ASIC2: variants seen among roughly 807,000 people sequenced by gnomAD.
The protein encoded by ASIC2 is acid sensing ion channel subunit 2, also known as acid-sensing ion channel 2.
In ASIC2, 25 loss-of-function variants were observed where a neutral mutation model predicts 57.3. The observed-to-expected ratio is 0.44, with a 90% confidence interval of 0.32 to 0.61. The LOEUF (loss-of-function observed/expected upper bound fraction) is 0.61. Ranked by LOEUF, ASIC2 falls within the 20% of genes least tolerant of loss-of-function variation. The probability of loss-of-function intolerance (pLI) is 0.06; values close to 1 mark genes in which losing one functional copy is unlikely to be tolerated. For missense variants in ASIC2, 641 were observed against 738.1 expected (o/e 0.87, Z 1.52); for synonymous variants, 319 against 307.5 (o/e 1.04, Z -0.39).
chr17:33,934,578 G>A (rs186390269), intron 1 of ASIC2, among the ~76,000 whole-genome samples: 13 of 152,268 alleles, frequency 8.5e-5, no homozygotes, highest in South Asian at 8.3e-4. Flanking sequence ...GACACACCCC[G>A]TGGGATGCAA....
chr17:33,513,310 C>G (rs1914480550), intron 1 of ASIC2, among the ~76,000 whole-genome samples: 1 of 152,154 alleles, frequency 6.6e-6, no homozygotes, highest in East Asian at 1.9e-4. Context: ...CAATTATTTT[C>G]AGCTTTTCAC....
intron 1 of ASIC2, among the ~76,000 whole-genome samples, chr17:33,128,540 A>G (rs1414674108): frequency 6.6e-6 from 1 of 152,214 alleles, no homozygotes; most frequent in African/African-American, 2.4e-5. Flanking sequence ...GGAAGTTGGC[A>G]GGAGAAGTTG....
At chr17:33,098,528 T>G (rs1307791454) in intron 2 of ASIC2, among the ~76,000 whole-genome samples, 1 of 152,184 alleles carries the variant, frequency 6.6e-6, no homozygotes, top group Non-Finnish European at 1.5e-5. Flanking sequence ...GGGCTGCAAT[T>G]ATGCCTGTTC....
intron 1 of ASIC2, among the ~76,000 whole-genome samples, chr17:33,461,009 A>G (rs981787655): frequency 1.3e-5 from 2 of 152,186 alleles, no homozygotes; most frequent in Non-Finnish European, 2.9e-5. Context: ...CTTTGCCCAG[A>G]TGATAATAGT....
chr17:33,804,887 C>CT (rs112023919), intron 1 of ASIC2, among the ~76,000 whole-genome samples: 93 of 147,162 alleles, frequency 6.3e-4, no homozygotes, highest in Middle Eastern at 3.4e-3. Flanking sequence ...TTTGATCTCT[C>CT]TTTTTTTTTT....
At chr17:33,191,710 A>G (rs1906426036) in intron 1 of ASIC2, among the ~76,000 whole-genome samples, 1 of 152,132 alleles carries the variant, frequency 6.6e-6, no homozygotes, top group Non-Finnish European at 1.5e-5. Flanking sequence ...GATTTCTCCT[A>G]ATGCCCCATG....
chr17:34,130,242 C>CA, intron 1 of ASIC2, among the ~76,000 whole-genome samples: 1 of 133,608 alleles, frequency 7.5e-6, no homozygotes, highest in Non-Finnish European at 1.7e-5. Flanking sequence ...CTTCACCCAG[C>CA]AAAGCTCCTT....
intron 1 of ASIC2, among the ~76,000 whole-genome samples, chr17:33,428,626 G>A (rs940986542): frequency 1.3e-5 from 2 of 152,136 alleles, no homozygotes; most frequent in African/African-American, 4.8e-5. Context: ...GAGGGAAGAA[G>A]AGAGGTCCAG....
intron 1 of ASIC2, among the ~76,000 whole-genome samples, chr17:33,155,304 A>T (rs1233567363): frequency 6.6e-6 from 1 of 152,254 alleles, no homozygotes; most frequent in Admixed American, 6.5e-5. Context: ...GGCTGGCAGC[A>T]AGGGTTCCTG....
intron 1 of ASIC2, chr17:34,006,187 G>A (rs1273831879): frequency 6.6e-6 from 1 of 152,248 alleles, no homozygotes; most frequent in Non-Finnish European, 1.5e-5. Flanking sequence ...CTTCTCTGAG[G>A]CGATGGCATT....
At chr17:33,513,777 C>T (rs1914490701) in intron 1 of ASIC2, among the ~76,000 whole-genome samples, 1 of 152,244 alleles carries the variant, frequency 6.6e-6, no homozygotes. Context: ...TGGCTCCTGT[C>T]CTTGCCCAGG....
intron 1 of ASIC2, among the ~76,000 whole-genome samples, chr17:33,780,310 C>T (rs1387581072): frequency 6.6e-6 from 1 of 152,086 alleles, no homozygotes; most frequent in South Asian, 2.1e-4. Flanking sequence ...TGCTGCCTCC[C>T]CTGGGTGGCA....
Position 33,268,454 on chromosome 17 carries a change from G to C in ASIC2, c.708+22954C>G, listed in dbSNP as rs141114229. On this transcript the variant is annotated intron_variant, in intron 1 of 9. Transcript: ENST00000225823. ...CCATTCCCCAGTCTACTAGAGTATT[G>C]AGGAGCAGTAGGAAATAAGTAAGGA... 2.7e-3 allele frequency among the ~76,000 whole-genome samples: 414 copies of C among 152,098 alleles called. 11 individuals carry two copies. The highest frequency in any genetic ancestry group is 1.0e-3 in the South Asian group (5 of 4,804).
rs557477475 is a variant in ASIC2, at chr17:33,560,038, C to T, written c.556-447971G>A. The stretch of plus-strand genomic sequence containing the variant: ...AATTGAAGCCCATGTTACTGTACTG[C>T]CATTTTTTTTCAATCACCAAAGGCC... On this transcript the variant is annotated intron_variant, in intron 1 of 9. Transcript: ENST00000359872. Among the ~76,000 whole-genome samples, 16 of 152,202 alleles carry T rather than the reference C, an allele frequency of 1.1e-4. No individual in the cohort carries two copies. In the Middle Eastern group the frequency reaches 0.01, roughly 97 times the overall value.
At chr17:33,027,724 A>G (rs1233744909) in intron 4 of ASIC2, among the ~76,000 whole-genome samples, 1 of 152,222 alleles carries the variant, frequency 6.6e-6, no homozygotes, top group Non-Finnish European at 1.5e-5. Context: ...TCCACTCTGC[A>G]CTTCAGCCTC....
chr17:33,305,926 C>G (rs879776717), intron 1 of ASIC2, among the ~76,000 whole-genome samples: 1 of 152,154 alleles, frequency 6.6e-6, no homozygotes, highest in Non-Finnish European at 1.5e-5. Context: ...TCCCTATAGC[C>G]ATTTTTTCTA....
intron 1 of ASIC2, among the ~76,000 whole-genome samples, chr17:33,248,250 G>A (rs1195315553): frequency 1.3e-5 from 2 of 152,150 alleles, no homozygotes; most frequent in South Asian, 2.1e-4. Flanking sequence ...GTAGGTGTAC[G>A]CCTGGCCTGT....
chr17:33,826,220 G>T (rs926847821), intron 1 of ASIC2, among the ~76,000 whole-genome samples: 2 of 152,212 alleles, frequency 1.3e-5, no homozygotes, highest in Non-Finnish European at 2.9e-5. Context: ...AAGAACATTT[G>T]CTCCAGCCTT....
intron 1 of ASIC2, among the ~76,000 whole-genome samples, chr17:33,775,959 A>G (rs1482405293): frequency 2.0e-5 from 3 of 151,960 alleles, no homozygotes; most frequent in Non-Finnish European, 4.4e-5. Flanking sequence ...ATGACGAAAC[A>G]CCGTATCTAC....
Sources: gnomAD v4.1 joint callset for allele counts (sites outside exome capture counted in the v4.1 genomes callset) on GRCh38, gnomAD v4.1.1 for gene constraint, MANE v1.5 for transcripts, NCBI Gene and HGNC (gene_info 2026-07-23, HGNC 2026-07-21) for gene names.